GREM1: variants seen among roughly 807,000 people sequenced by gnomAD.
The protein encoded by GREM1 is gremlin 1, DAN family BMP antagonist, also known as gremlin-1.
Under a neutral mutation model 13.1 loss-of-function variants are expected in GREM1, and 6 were observed. The ratio of observed to expected loss-of-function variants is 0.46; its 90% CI spans 0.25 to 0.91. GREM1 has a LOEUF of 0.91. Among genes scored for constraint, GREM1 ranks in the 40% least tolerant of loss-of-function variants. GREM1 has a pLI of 0.18. For missense variants in GREM1, 185 were observed against 233.9 expected (o/e 0.79, Z 1.36); for synonymous variants, 98 against 93.7 (o/e 1.05, Z -0.27).
chr15:32,720,595 C>G (rs747179668), intron 1 of GREM1, among the ~76,000 whole-genome samples: 9 of 152,072 alleles, frequency 5.9e-5, no homozygotes, highest in Non-Finnish European at 1.0e-4. Context: ...GCTACCAGCC[C>G]GTGTCTTCGA....
intron 1 of GREM1, among the ~76,000 whole-genome samples, chr15:32,724,504 CCTT>C (rs1464492647): frequency 2.6e-5 from 4 of 152,174 alleles, no homozygotes; most frequent in African/African-American, 9.7e-5. Flanking sequence ...ATTCGTGAAA[CCTT>C]CTCAAATTCA....
intron 1 of GREM1, among the ~76,000 whole-genome samples, chr15:32,723,120 T>G (rs1239310432): frequency 6.6e-6 from 1 of 152,208 alleles, no homozygotes; most frequent in Non-Finnish European, 1.5e-5. Context: ...ATGGATTGAA[T>G]TTTTACTATG....
chr15:32,719,687 A>G lies in GREM1; in HGVS notation c.-2+1526A>G, dbSNP rs189266284. 9.2e-5 allele frequency among the ~76,000 whole-genome samples: 14 copies of G among 152,264 alleles called. No individual in the cohort carries two copies. The South Asian group carries it at 1.7e-3, about 18-fold the overall frequency. ...GGACACGAACTGATTAAAACAATCT[A>G]TTGTGTTAAGTGGGTCACTAGGGTT... On this transcript the variant is annotated intron_variant, in intron 1 of 1. Transcript: ENST00000651154.
intron 1 of GREM1, among the ~76,000 whole-genome samples, chr15:32,721,692 T>G (rs1298750772): frequency 6.6e-6 from 1 of 152,064 alleles, no homozygotes. Context: ...AGGCGGAGGT[T>G]GCAGTGAGCT....
rs2055757670 is a variant in GREM1 at position 32,741,082 on chromosome 15, C to A, written c.*9837C>A. ...AAGAGATACAAGGAGTCAAAAATAACAAATATCTACTTAAAAGCCTTTTCC... is the reference window on the plus strand; with the variant it reads ...AAGAGATACAAGGAGTCAAAAATAAAAAATATCTACTTAAAAGCCTTTTCC... On this transcript the variant is annotated 3_prime_UTR_variant, in exon 2 of 2. Transcript: ENST00000651154. 1 of 152,140 alleles carries A rather than the reference C, an allele frequency of 6.6e-6. No homozygotes were observed. Among genetic ancestry groups the A allele is most frequent in the Non-Finnish European group, 1.5e-5 (1 of 68,006 alleles). 9.4% of individuals were successfully genotyped at this position (152,140 alleles called of 1,614,324 possible).
chr15:32,730,848 C>G lies in GREM1; in HGVS notation c.158C>G (p.Pro53Arg), dbSNP rs1454389131. 2 of 1,613,620 alleles carry G rather than the reference C, an allele frequency of 1.2e-6. No homozygotes were observed. The highest frequency in any genetic ancestry group is 2.7e-5 in the African/African-American group (2 of 74,920). Residue 53 changes from proline (P) to arginine (R), a missense_variant, in exon 2 of 2, where the codon CCT becomes CGT. Transcript: ENST00000651154. ...DSEQTQSPQQ[P>R]GSRNRGRGQG... ...GAGCAGACTCAGTCGCCCCAGCAGC[C>G]TGGCTCCAGGAACCGGGGGCGGGGC...
intron 1 of GREM1, among the ~76,000 whole-genome samples, chr15:32,726,755 C>G (rs966687874): frequency 1.4e-5 from 2 of 146,732 alleles, no homozygotes; most frequent in Non-Finnish European, 3.0e-5. Flanking sequence ...GACTGCTAGC[C>G]AAACTAATAA....
At chr15:32,724,441 G>A (rs1216711616) in intron 1 of GREM1, among the ~76,000 whole-genome samples, 1 of 152,198 alleles carries the variant, frequency 6.6e-6, no homozygotes, top group African/African-American at 2.4e-5. Flanking sequence ...CTGAAATGGG[G>A]AGCAACTGAA....
chr15:32,718,020 G>A lies in GREM1; in HGVS notation c.-143G>A. The A allele has an allele frequency of 9.3e-7, 1 of 1,080,152 alleles. No individual in the cohort carries two copies. The highest frequency in any genetic ancestry group is 1.1e-6 in the Non-Finnish European group (1 of 889,270). 66.9% of individuals were successfully genotyped at this position (1,080,152 alleles called of 1,614,324 possible). A position where few individuals can be genotyped will look rare whatever the true frequency, so the allele number is the denominator to read the frequency against. On this transcript the variant is annotated 5_prime_UTR_variant, in exon 1 of 2. Coordinates refer to ENST00000651154, the MANE Select transcript of GREM1 (RefSeq NM_013372.7). ...ATGCCTGGCACTCGGTGCGCCTTCC[G>A]CGGACCGGGCGACCCAGTGCACGGC...
In GREM1 at chr15:32,739,246, C is replaced by T. The variant is rs1193931166; in HGVS notation, c.*8001C>T. The T allele has an allele frequency of 1.3e-5, 2 of 152,300 alleles. No individual in the cohort carries two copies. The allele number at this position is 152,300 out of a possible 1,614,324, so 9.4% of individuals were successfully genotyped here. Reference sequence around the variant, plus strand: ...CATTAGGGGAAGAAATTTTTCCATGCTTCACAGAAACTCTCCTTATACCCC... The same window carrying T: ...CATTAGGGGAAGAAATTTTTCCATGTTTCACAGAAACTCTCCTTATACCCC... On this transcript the variant is annotated 3_prime_UTR_variant, in exon 2 of 2. Transcript: ENST00000651154.
At position 32,735,127 on chromosome 15, in the gene GREM1, A is replaced by T. The variant is rs1367381781; in HGVS notation, c.*3882A>T. On this transcript the variant is annotated 3_prime_UTR_variant, in exon 2 of 2. Transcript: ENST00000651154. The stretch of plus-strand genomic sequence containing the variant: ...CCTGTCCTTGGAAATATTAAACCAC[A>T]GGCTAGATATCATTTAATAGGGATG... 1 of 152,202 alleles carries T rather than the reference A, an allele frequency of 6.6e-6. No individual in the cohort carries two copies. Among genetic ancestry groups the T allele is most frequent in the Non-Finnish European group, 1.5e-5 (1 of 68,044 alleles). 9.4% of individuals were successfully genotyped at this position (152,202 alleles called of 1,614,324 possible).
intron 1 of GREM1, among the ~76,000 whole-genome samples, chr15:32,729,286 C>T (rs1331856472): frequency 6.6e-6 from 1 of 152,196 alleles, no homozygotes; most frequent in Non-Finnish European, 1.5e-5. Context: ...CTGGGCCTCC[C>T]AAAGTGCTGG....
chr15:32,730,827 A>G lies in GREM1; in HGVS notation c.137A>G (p.Gln46Arg). 6.2e-7 allele frequency: 1 copy of G among 1,613,902 alleles called. No individual in the cohort carries two copies. Among genetic ancestry groups the G allele is most frequent in the African/African-American group, 1.3e-5 (1 of 75,054 alleles). Residue 46 changes from glutamine (Q) to arginine (R), a missense_variant, in exon 2 of 2, where the codon CAG (glutamine) becomes CGG (arginine). Transcript: ENST00000651154. The stretch of plus-strand genomic sequence containing the variant: ...AAGGCCCAGCACAATGACTCAGAGC[A>G]GACTCAGTCGCCCCAGCAGCCTGGC... ...PDKAQHNDSE[Q>R]TQSPQQPGSR...
chr15:32,723,150 G>C (rs954601927), intron 1 of GREM1, among the ~76,000 whole-genome samples: 1 of 152,186 alleles, frequency 6.6e-6, no homozygotes, highest in Non-Finnish European at 1.5e-5. Context: ...TCTACATGTT[G>C]CTGTGGAAAA....
In GREM1 at chr15:32,730,793, C is replaced by T. The variant is rs111262341; in HGVS notation, c.103C>T (p.Pro35Ser). The T allele has an allele frequency of 6.2e-7, 1 of 1,613,882 alleles. No homozygotes were observed. The highest frequency in any genetic ancestry group is 1.7e-4 in the Middle Eastern group (1 of 6,060). Residue 35 changes from proline (P) to serine (S), a missense_variant, in exon 2 of 2, where the codon CCG (proline) becomes TCG (serine). Physicochemically the swap from Pro to Ser is moderately conservative, Grantham distance 74 (BLOSUM62 -1). Transcript: ENST00000651154. Reference protein sequence around the residue: ...KKKGSQGAIPPPDKAQHNDSE... With the variant: ...KKKGSQGAIPSPDKAQHNDSE... ...GAAAGGGTCCCAAGGTGCCATCCCC[C>T]CGCCAGACAAGGCCCAGCACAATGA...
At chr15:32,722,100 A>G (rs1342130338) in intron 1 of GREM1, among the ~76,000 whole-genome samples, 1 of 152,212 alleles carries the variant, frequency 6.6e-6, no homozygotes, top group Non-Finnish European at 1.5e-5. Flanking sequence ...CTGTCTGCCA[A>G]CAAGGGATTC....
chr15:32,732,774 G>A lies in GREM1; in HGVS notation c.*1529G>A, dbSNP rs976091649. On this transcript the variant is annotated 3_prime_UTR_variant, in exon 2 of 2. Coordinates refer to ENST00000651154, the MANE Select transcript of GREM1 (RefSeq NM_013372.7). ...CAATGGCTACTTAGGATTGATCTAA[G>A]GGCCAAAGTGCAGGGTGGGTGAACT... The A allele has an allele frequency of 4.3e-6, 1 of 230,072 alleles. No individual in the cohort carries two copies. Among genetic ancestry groups the A allele is most frequent in the African/African-American group, 2.2e-5 (1 of 44,504 alleles). 14.3% of individuals were successfully genotyped at this position (230,072 alleles called of 1,614,324 possible). A position where few individuals can be genotyped will look rare whatever the true frequency, so the allele number is the denominator to read the frequency against.
At chr15:32,724,405 C>G (rs1193804282) in intron 1 of GREM1, among the ~76,000 whole-genome samples, 1 of 152,192 alleles carries the variant, frequency 6.6e-6, no homozygotes, top group Non-Finnish European at 1.5e-5. Flanking sequence ...GGGCATAGGC[C>G]TGGGGCCATC....
Position 32,718,037 on chromosome 15 carries a change from G to C in GREM1, c.-126G>C. The C allele has an allele frequency of 1.7e-6, 2 of 1,157,494 alleles. No homozygotes were observed. Among genetic ancestry groups the C allele is most frequent in the South Asian group, 2.2e-5 (1 of 44,980 alleles). The allele number at this position is 1,157,494 out of a possible 1,614,324, so 71.7% of individuals were successfully genotyped here. A position where few individuals can be genotyped will look rare whatever the true frequency, so the allele number is the denominator to read the frequency against. ...CGCCTTCCGCGGACCGGGCGACCCA[G>C]TGCACGGCCGCCGCGTCACTCTCGG... On this transcript the variant is annotated 5_prime_UTR_variant, in exon 1 of 2. Coordinates refer to ENST00000651154, the MANE Select transcript of GREM1 (RefSeq NM_013372.7).
Sources: allele counts gnomAD v4.1 joint callset (sites outside exome capture counted in the v4.1 genomes callset), GRCh38; gene constraint gnomAD v4.1.1; transcripts MANE v1.5; gene names NCBI Gene and HGNC (gene_info 2026-07-23, HGNC 2026-07-21).